Variants in CACNA1C observed in about 807,000 individuals in gnomAD.
CACNA1C encodes the protein voltage-dependent L-type calcium channel subunit alpha-1C.
CACNA1C carries 30 observed loss-of-function variants against 229.0 expected under a neutral mutation model. That is an observed-to-expected ratio of 0.13 (90% CI 0.10 to 0.18). The LOEUF is 0.18. Ranked by LOEUF, CACNA1C falls within the 10% of genes least tolerant of loss-of-function variation. The pLI is 1.00. For synonymous variants in CACNA1C, 1,114 were observed against 1,132.5 expected, an observed-to-expected ratio of 0.98 and a Z score of 0.33; for missense variants, 1,658 against 2,845.0, an observed-to-expected ratio of 0.58 and a Z score of 9.49.
In CACNA1C at chr12:2,634,000, C is replaced by T. The variant is rs942436188; in HGVS notation, c.3829-297C>T. Reference sequence around the variant, plus strand: ...GTGGCGGTGCAGGGGACACACCGCCCGGCTCCCCGGGGCGGCCACAGCCCC... The same window carrying T: ...GTGGCGGTGCAGGGGACACACCGCCTGGCTCCCCGGGGCGGCCACAGCCCC... On this transcript the variant is annotated intron_variant, in intron 29 of 46. Coordinates refer to ENST00000399655, the MANE Select transcript of CACNA1C (RefSeq NM_000719.7). This position sits in a 1 kb window ranked among gnomAD's most constrained non-coding sequence, Gnocchi z 5.8. Among the ~76,000 whole-genome samples the T allele has an allele frequency of 9.2e-5, 14 of 152,138 alleles. No individual in the cohort carries two copies. Among genetic ancestry groups the T allele is most frequent in the African/African-American group, 3.4e-4 (14 of 41,424 alleles).
chr12:2,169,965 G>T (rs1478177053), intron 3 of CACNA1C, among the ~76,000 whole-genome samples: 3 of 152,216 alleles, frequency 2.0e-5, no homozygotes, highest in African/African-American at 7.2e-5. Context: ...GAGCTTGAGG[G>T]GTTGAGGGAG....
At chr12:2,150,903 G>A (rs143919382) in intron 3 of CACNA1C, among the ~76,000 whole-genome samples, 98 of 152,326 alleles carry the variant, frequency 6.4e-4, no homozygotes, top group Middle Eastern at 3.4e-3. Flanking sequence ...AAGGTGACAT[G>A]TAAAAATGGT....
rs181011998 is a variant in CACNA1C, at chr12:2,526,799, A to G, written c.1390+13815A>G. Among the ~76,000 whole-genome samples, 810 of 152,326 alleles carry G rather than the reference A, an allele frequency of 5.3e-3. 9 individuals carry two copies. Among genetic ancestry groups the G allele is most frequent in the African/African-American group, 0.019 (777 of 41,578 alleles). ...GCCTAAGAAGAGAATGAATAAAGAA[A>G]AGTGTAGCCATTTACTCAGTCATAA... On this transcript the variant is annotated intron_variant, in intron 9 of 46. Coordinates refer to ENST00000399655, the MANE Select transcript of CACNA1C (RefSeq NM_000719.7).
chr12:2,618,327 G>A (rs546411904), intron 29 of CACNA1C, among the ~76,000 whole-genome samples: 11 of 152,214 alleles, frequency 7.2e-5, no homozygotes, highest in Non-Finnish European at 1.5e-4. Flanking sequence ...GTGTCAGTCT[G>A]GATGGTAATC....
At chr12:2,565,799 C>A (rs2050542025) in intron 11 of CACNA1C, among the ~76,000 whole-genome samples, 1 of 152,188 alleles carries the variant, frequency 6.6e-6, no homozygotes, top group South Asian at 2.1e-4. Flanking sequence ...AAACAAAGAG[C>A]CTGTGCTCCA....
At chr12:2,485,201 G>A (rs2099693200) in intron 5 of CACNA1C, among the ~76,000 whole-genome samples, 1 of 152,048 alleles carries the variant, frequency 6.6e-6, no homozygotes, top group South Asian at 2.1e-4. Flanking sequence ...CTGCACCACT[G>A]GCTCTGCTGG....
chr12:2,039,002 G>A (rs1333991269), intron 1 of CACNA1C, among the ~76,000 whole-genome samples: 1 of 152,128 alleles, frequency 6.6e-6, no homozygotes, highest in Non-Finnish European at 1.5e-5. Context: ...TAAATGCAAG[G>A]ATTGCAAATG....
At position 2,662,912 on chromosome 12, in the gene CACNA1C, A is replaced by G. The variant is rs1342171465; in HGVS notation, c.4233-1913A>G. Among the ~76,000 whole-genome samples the G allele has an allele frequency of 4.6e-5, 7 of 152,396 alleles. No individual in the cohort carries two copies. The South Asian group carries it at 1.0e-3, about 23-fold the overall frequency. ...GAAGATGTACTATTCAATAAATAGTATTAACAAAATGACTTATCTATGCAG... is the reference window on the plus strand; with the variant it reads ...GAAGATGTACTATTCAATAAATAGTGTTAACAAAATGACTTATCTATGCAG... On this transcript the variant is annotated intron_variant, in intron 34 of 46. Coordinates refer to ENST00000399655, the MANE Select transcript of CACNA1C (RefSeq NM_000719.7).
intron 1 of CACNA1C, among the ~76,000 whole-genome samples, chr12:1,989,035 G>T (rs2038634532): frequency 6.6e-6 from 1 of 152,176 alleles, no homozygotes; most frequent in Non-Finnish European, 1.5e-5. Flanking sequence ...GAATTTCATT[G>T]CAATCCTATA....
chr12:2,041,702 G>A (rs2050143365), intron 1 of CACNA1C, among the ~76,000 whole-genome samples: 1 of 152,180 alleles, frequency 6.6e-6, no homozygotes, highest in African/African-American at 2.4e-5. Flanking sequence ...ATCATGTTGG[G>A]GATAGAAGAC....
In CACNA1C at chr12:2,479,803, G is replaced by T. The variant is rs1190788360; in HGVS notation, c.758-6301G>T. Among the ~76,000 whole-genome samples the T allele has an allele frequency of 1.3e-5, 2 of 152,198 alleles. No individual in the cohort carries two copies. Among genetic ancestry groups the T allele is most frequent in the East Asian group, 3.9e-4 (2 of 5,184 alleles). ...GATTGGGGATATCACATGTAGAAGG[G>T]GTTTTCCCAGGCTTGAGGTTGACTC... On this transcript the variant is annotated intron_variant, in intron 5 of 46. Coordinates refer to ENST00000399655, the MANE Select transcript of CACNA1C (RefSeq NM_000719.7). The surrounding 1 kb of genome is among the most constrained non-coding windows in gnomAD (Gnocchi z 4.3).
intron 9 of CACNA1C, among the ~76,000 whole-genome samples, chr12:2,526,493 A>G (rs2099818709): frequency 6.6e-6 from 1 of 152,254 alleles, no homozygotes; most frequent in Non-Finnish European, 1.5e-5. Flanking sequence ...CTTCCACAAC[A>G]GAACAGGAAG....
chr12:2,074,837 C>T (rs1158827053), intron 1 of CACNA1C, among the ~76,000 whole-genome samples: 4 of 152,224 alleles, frequency 2.6e-5, no homozygotes, highest in Non-Finnish European at 4.4e-5. Context: ...TCTTCTGGCA[C>T]CTGTGGGGAG....
At chr12:2,393,031 A>G (rs1012350820) in intron 3 of CACNA1C, among the ~76,000 whole-genome samples, 3 of 152,142 alleles carry the variant, frequency 2.0e-5, no homozygotes, top group Admixed American at 6.6e-5. Context: ...GTGCACTTCA[A>G]GCCCCTGTAC....
In CACNA1C at chr12:2,148,263, C is replaced by T. The variant is rs1251452716; in HGVS notation, c.477+27833C>T. ...ATGGTTCTTTTTGGAAACTTTGTCT[C>T]TGTCTTTCGTATTGAAATATCGCAC... On this transcript the variant is annotated intron_variant, in intron 3 of 46. Coordinates refer to ENST00000399655, the MANE Select transcript of CACNA1C (RefSeq NM_000719.7). 3.3e-5 allele frequency among the ~76,000 whole-genome samples: 5 copies of T among 151,420 alleles called. 1 individual carries two copies. Among genetic ancestry groups the T allele is most frequent in the Non-Finnish European group, 7.4e-5 (5 of 67,636 alleles).
chr12:1,987,583 C>T (rs143977289), intron 1 of CACNA1C, among the ~76,000 whole-genome samples: 94 of 152,238 alleles, frequency 6.2e-4, no homozygotes, highest in African/African-American at 2.1e-3. Context: ...TTCTGCTCTC[C>T]ATTTATTTCT....
At chr12:2,188,611 A>G (rs554250179) in intron 3 of CACNA1C, among the ~76,000 whole-genome samples, 272 of 152,318 alleles carry the variant, frequency 1.8e-3, no homozygotes, top group African/African-American at 6.4e-3. Context: ...TAAAAATAAA[A>G]AGAGAAAGAC....
chr12:2,127,338 G>T (rs1033423330), intron 3 of CACNA1C, among the ~76,000 whole-genome samples: 3 of 152,238 alleles, frequency 2.0e-5, no homozygotes, highest in African/African-American at 4.8e-5. Context: ...TCCTCTCCCT[G>T]CAGTGAACTG....
At position 2,338,072 on chromosome 12, in the gene CACNA1C, A is replaced by G. The variant is rs140169468; in HGVS notation, c.478-110904A>G. ...CAGCCTGGTCCTATCCCAGGACCCT[A>G]CACTCCCCCTCACTACCCCCAGCAT... On this transcript the variant is annotated intron_variant, in intron 3 of 46. Coordinates refer to ENST00000399655, the MANE Select transcript of CACNA1C (RefSeq NM_000719.7). Among the ~76,000 whole-genome samples, 6 of 152,164 alleles carry G rather than the reference A, an allele frequency of 3.9e-5. No individual in the cohort carries two copies. The East Asian group carries it at 1.2e-3, about 29-fold the overall frequency.
Sources: allele counts gnomAD v4.1 joint callset (sites outside exome capture counted in the v4.1 genomes callset), GRCh38; gene constraint gnomAD v4.1.1; non-coding constraint Gnocchi (gnomAD v3.1); transcripts MANE v1.5; gene names NCBI Gene and HGNC (gene_info 2026-07-23, HGNC 2026-07-21).